The following MAPKAP1 variants were observed in gnomAD, a reference collection of about 807,000 sequenced individuals.
The protein encoded by MAPKAP1 is target of rapamycin complex 2 subunit MAPKAP1.
MAPKAP1 carries 20 observed loss-of-function variants against 65.7 expected under a neutral mutation model. The observed-to-expected ratio is 0.30, with a 90% CI of 0.21 to 0.44. MAPKAP1 has a LOEUF of 0.44. Ranked by LOEUF, MAPKAP1 falls within the 20% of genes least tolerant of loss-of-function variation. The pLI, the probability that MAPKAP1 is intolerant of heterozygous loss-of-function variation, is 1.00. For synonymous variants in MAPKAP1, 222 were observed against 244.3 expected, an observed-to-expected ratio of 0.91 and a Z score of 0.85; for missense variants, 423 against 648.0, an observed-to-expected ratio of 0.65 and a Z score of 3.77.
chr9:125,634,783 C>T (rs1564594333), intron 4 of MAPKAP1, among the ~76,000 whole-genome samples: 1 of 152,202 alleles, frequency 6.6e-6, no homozygotes, highest in African/African-American at 2.4e-5. Context: ...AGTAGAATAA[C>T]AGTAGGCAGC....
chr9:125,674,049 T>C (rs1043235081), intron 1 of MAPKAP1, among the ~76,000 whole-genome samples: 1 of 152,174 alleles, frequency 6.6e-6, no homozygotes, highest in African/African-American at 2.4e-5. Flanking sequence ...AAAGAAAATA[T>C]TGCAGGACAA....
chr9:125,677,494 G>A (rs540543321), intron 1 of MAPKAP1, among the ~76,000 whole-genome samples: 6 of 152,164 alleles, frequency 3.9e-5, no homozygotes, highest in African/African-American at 1.4e-4. Flanking sequence ...TCAGGAGTTC[G>A]AGACTAGCCT....
chr9:125,490,906 G>A (rs548937293), intron 8 of MAPKAP1, among the ~76,000 whole-genome samples: 1 of 152,290 alleles, frequency 6.6e-6, no homozygotes, highest in African/African-American at 2.4e-5. Flanking sequence ...GGGAGGCCAA[G>A]GTGGGCGGAC....
intron 5 of MAPKAP1, among the ~76,000 whole-genome samples, chr9:125,562,749 A>G (rs1228888143): frequency 6.6e-6 from 1 of 152,254 alleles, no homozygotes; most frequent in African/African-American, 2.4e-5. Context: ...GAAACTTCAC[A>G]TCAACTTTGT....
chr9:125,468,223 T>C, intron 9 of MAPKAP1, 114 bp from the exon 10 acceptor site: 1 of 1,109,140 alleles, frequency 9.0e-7, no homozygotes, highest in African/African-American at 1.6e-5. Flanking sequence ...ACGTGAGCTC[T>C]TTCTTAGGGC....
At chr9:125,576,394 C>G (rs1481488783) in intron 5 of MAPKAP1, among the ~76,000 whole-genome samples, 1 of 152,204 alleles carries the variant, frequency 6.6e-6, no homozygotes, top group Non-Finnish European at 1.5e-5. Flanking sequence ...TGGGAACTCA[C>G]TGTATTTTCT....
chr9:125,674,597 T>C (rs1834591263), intron 1 of MAPKAP1, among the ~76,000 whole-genome samples: 1 of 152,202 alleles, frequency 6.6e-6, no homozygotes, highest in African/African-American at 2.4e-5. Flanking sequence ...AGCTAATAAA[T>C]CCTTACAGTT....
chr9:125,685,124 G>A (rs1564616248), intron 1 of MAPKAP1, among the ~76,000 whole-genome samples: 1 of 152,232 alleles, frequency 6.6e-6, no homozygotes. Context: ...GCCAGGCACT[G>A]TTCTAGATGC....
intron 8 of MAPKAP1, among the ~76,000 whole-genome samples, chr9:125,500,714 C>T (rs1259809825): frequency 6.6e-6 from 1 of 152,140 alleles, no homozygotes; most frequent in Non-Finnish European, 1.5e-5. Flanking sequence ...ACTACAGACA[C>T]TTTAGTTACC....
chr9:125,486,602 C>A (rs1252298198), intron 8 of MAPKAP1, among the ~76,000 whole-genome samples: 1 of 152,208 alleles, frequency 6.6e-6, no homozygotes, highest in African/African-American at 2.4e-5. Flanking sequence ...GATGCTTTCA[C>A]AGTGAAATCA....
At chr9:125,621,982 G>C (rs778382530) in intron 4 of MAPKAP1, among the ~76,000 whole-genome samples, 2 of 152,192 alleles carry the variant, frequency 1.3e-5, no homozygotes, top group Non-Finnish European at 2.9e-5. Context: ...ATCATCACTG[G>C]CAACATGGAT....
chr9:125,513,256 A>G (rs1202485247), intron 7 of MAPKAP1: 1 of 152,216 alleles, frequency 6.6e-6, no homozygotes, highest in African/African-American at 2.4e-5. Flanking sequence ...TATTTTTGGG[A>G]TCAAGGTAGG....
intron 4 of MAPKAP1, among the ~76,000 whole-genome samples, chr9:125,645,707 G>A (rs1002178032): frequency 2.0e-5 from 3 of 149,758 alleles, no homozygotes; most frequent in South Asian, 2.1e-4. Flanking sequence ...ACTGCACTCC[G>A]GCCTGCGTGA....
At chr9:125,461,048 C>T (rs1589212663) in intron 10 of MAPKAP1, among the ~76,000 whole-genome samples, 1 of 152,218 alleles carries the variant, frequency 6.6e-6, no homozygotes, top group Non-Finnish European at 1.5e-5. Flanking sequence ...TCTCAGGGAC[C>T]TGGCCAATGC....
intron 9 of MAPKAP1, 149 bp from the exon 10 acceptor site, chr9:125,468,258 GA>G: frequency 1.3e-6 from 1 of 745,536 alleles, no homozygotes. Flanking sequence ...CGGGCTTCCT[GA>G]GACAAACATA....
At chr9:125,515,691 G>C (rs998988864) in intron 7 of MAPKAP1, among the ~76,000 whole-genome samples, 1 of 152,244 alleles carries the variant, frequency 6.6e-6, no homozygotes, top group African/African-American at 2.4e-5. Context: ...GGCCACTTCA[G>C]GTTCAAATGT....
intron 4 of MAPKAP1, among the ~76,000 whole-genome samples, chr9:125,590,026 T>C (rs1404852907): frequency 6.6e-6 from 1 of 152,220 alleles, no homozygotes. Context: ...AGTCGGTTGA[T>C]AGCCCTCATA....
In MAPKAP1 at chr9:125,691,027, C is replaced by T. The variant is rs549810051; in HGVS notation, c.-70+15944G>A. On this transcript the variant is annotated intron_variant, in intron 1 of 11. Transcript: ENST00000265960. ...CTGTAATCCCAGCACTGTGGGAGGC[C>T]GAGGTGGGTGGATCGCGAGGTCAGG... Among the ~76,000 whole-genome samples the T allele has an allele frequency of 3.9e-4, 60 of 152,210 alleles. 1 individual carries two copies. Among genetic ancestry groups the T allele is most frequent in the African/African-American group, 1.3e-3 (52 of 41,542 alleles).
intron 7 of MAPKAP1, among the ~76,000 whole-genome samples, chr9:125,528,039 A>G (rs1829823217): frequency 6.6e-6 from 1 of 152,156 alleles, no homozygotes; most frequent in African/African-American, 2.4e-5. Context: ...AGTTCATTCC[A>G]CAAATGTGCT....
Sources: allele counts gnomAD v4.1 joint callset (sites outside exome capture counted in the v4.1 genomes callset), GRCh38; gene constraint gnomAD v4.1.1; transcripts MANE v1.5; gene names NCBI Gene and HGNC (gene_info 2026-07-23, HGNC 2026-07-21).